PCDHA9: variants seen among roughly 807,000 people sequenced by gnomAD.
PCDHA9 encodes the protein protocadherin alpha 9.
In PCDHA9, 62 loss-of-function variants were observed where a neutral mutation model predicts 62.0. That is an observed-to-expected ratio of 1.00 (90% CI 0.81 to 1.23). The LOEUF is 1.23. Ranked by LOEUF, PCDHA9 falls within the 50% of genes most tolerant of loss-of-function variation. PCDHA9 has a pLI of 0.00. For synonymous variants in PCDHA9, 557 were observed against 567.6 expected (o/e 0.98, Z 0.27); for missense variants, 1,205 against 1,249.8 (o/e 0.96, Z 0.54).
At chr5:140,856,595 A>G in intron 1 of PCDHA9, 1 of 1,597,868 alleles carries the variant, frequency 6.3e-7, no homozygotes. Context: ...TGATATTATA[A>G]ACAAAAAAGA....
At chr5:140,861,347 G>C (rs2046872625) in intron 1 of PCDHA9, 2 of 297,216 alleles carry the variant, frequency 6.7e-6, no homozygotes, top group Non-Finnish European at 6.8e-6. Context: ...GGCCAAGGAC[G>C]GCACATAGCG....
chr5:140,857,036 G>T (rs1174179572), intron 1 of PCDHA9: 1 of 1,596,046 alleles, frequency 6.3e-7, no homozygotes, highest in Non-Finnish European at 8.6e-7. Context: ...CCCACCTATG[G>T]TTGGTCACTG....
chr5:140,988,445 A>G (rs1554250148), intron 3 of PCDHA9, among the ~76,000 whole-genome samples: 2 of 152,168 alleles, frequency 1.3e-5, no homozygotes, highest in African/African-American at 2.4e-5. Context: ...ATTGACCTGA[A>G]GGGAGGAAGC....
chr5:140,908,430 C>T (rs543426512), intron 1 of PCDHA9, among the ~76,000 whole-genome samples: 56 of 152,262 alleles, frequency 3.7e-4, no homozygotes, highest in Admixed American at 7.2e-4. Flanking sequence ...TGCTGCTGTG[C>T]GCACCCCACT....
At chr5:140,851,088 A>G in intron 1 of PCDHA9, 199 bp downstream of exon 1, 2 of 1,298,258 alleles carry the variant, frequency 1.5e-6, no homozygotes, top group Non-Finnish European at 2.0e-6. Flanking sequence ...TGTATATTAA[A>G]TAGATATTTT....
intron 1 of PCDHA9, among the ~76,000 whole-genome samples, chr5:140,956,672 G>A (rs571890845): frequency 1.3e-5 from 2 of 152,242 alleles, no homozygotes; most frequent in Admixed American, 1.3e-4. Context: ...AAAGGAGTTA[G>A]GGAGGAGTAC....
chr5:140,895,617 G>A (rs782388218), intron 1 of PCDHA9, among the ~76,000 whole-genome samples: 2 of 152,084 alleles, frequency 1.3e-5, no homozygotes, highest in Non-Finnish European at 2.9e-5. Context: ...CTCATTGAGG[G>A]TGTTGTCTTT....
intron 1 of PCDHA9, chr5:140,869,019 A>G: frequency 1.3e-6 from 2 of 1,525,464 alleles, no homozygotes; most frequent in Non-Finnish European, 8.8e-7. Flanking sequence ...CTTCTTAAGA[A>G]TTCAACGAGA....
chr5:140,981,459 A>C (rs1267670163), intron 2 of PCDHA9, among the ~76,000 whole-genome samples: 1 of 152,176 alleles, frequency 6.6e-6, no homozygotes, highest in Non-Finnish European at 1.5e-5. Context: ...CTGTAGTCCC[A>C]GCTACTTGGG....
chr5:140,908,308 G>A (rs1011025623), intron 1 of PCDHA9, among the ~76,000 whole-genome samples: 19 of 152,170 alleles, frequency 1.2e-4, no homozygotes, highest in African/African-American at 4.6e-4. Context: ...AAGGAAGGGC[G>A]GCAGGAGTGG....
chr5:140,915,138 G>A (rs139042327), intron 1 of PCDHA9, among the ~76,000 whole-genome samples: 2,353 of 151,838 alleles, frequency 0.015, 60 homozygotes, highest in African/African-American at 0.053. Context: ...TAGTAGAGAC[G>A]GGGTTTCACC....
chr5:140,917,334 G>GC (rs1563019411), intron 1 of PCDHA9, among the ~76,000 whole-genome samples: 1 of 147,630 alleles, frequency 6.8e-6, no homozygotes, highest in Non-Finnish European at 1.5e-5. Context: ...CGGGGGAGGG[G>GC]GGGGATGGTG....
chr5:140,952,857 G>T (rs2094808262), intron 1 of PCDHA9, among the ~76,000 whole-genome samples: 1 of 152,120 alleles, frequency 6.6e-6, no homozygotes, highest in Non-Finnish European at 1.5e-5. Context: ...TTCTGGGGAG[G>T]CCTCAGGAAA....
chr5:140,980,749 G>A (rs1388943582), intron 2 of PCDHA9, among the ~76,000 whole-genome samples: 1 of 151,942 alleles, frequency 6.6e-6, no homozygotes, highest in Non-Finnish European at 1.5e-5. Flanking sequence ...TTTGAGTAGG[G>A]TAAGAAATAA....
intron 1 of PCDHA9, chr5:140,867,037 T>C (rs1167495486): frequency 2.0e-5 from 3 of 152,162 alleles, no homozygotes; most frequent in African/African-American, 7.2e-5. Flanking sequence ...CTTTTATGAC[T>C]TGGCGTTTGT....
rs1388292827 is a variant in PCDHA9, at chr5:140,857,492, G to A, written c.2394+6603G>A. On this transcript the variant is annotated intron_variant, in intron 1 of 3. Coordinates refer to ENST00000532602, the MANE Select transcript of PCDHA9 (RefSeq NM_031857.2). ...CTTCACGGTGTCTGCGTGGGACGCG[G>A]ACGCGCAGGAGAACGCCCTGGTGTC... 2 of 1,598,272 alleles carry A rather than the reference G, an allele frequency of 1.3e-6. No homozygotes were observed. The highest frequency in any genetic ancestry group is 1.7e-6 in the Non-Finnish European group (2 of 1,167,822).
chr5:140,875,452 C>G (rs370742022), intron 1 of PCDHA9: 1 of 1,592,452 alleles, frequency 6.3e-7, no homozygotes, highest in Non-Finnish European at 8.6e-7. Flanking sequence ...TGTCCCAACT[C>G]AGAGGCCCTC....
chr5:140,953,045 C>A (rs1414124229), intron 1 of PCDHA9, among the ~76,000 whole-genome samples: 2 of 152,288 alleles, frequency 1.3e-5, no homozygotes, highest in Admixed American at 6.5e-5. Flanking sequence ...CCCCATGATC[C>A]AATCACCTCT....
chr5:140,881,669 T>C (rs1030695213), intron 1 of PCDHA9, among the ~76,000 whole-genome samples: 17 of 152,248 alleles, frequency 1.1e-4, no homozygotes, highest in African/African-American at 4.1e-4. Context: ...TTTATTCTTA[T>C]GTGATTGTTA....
Sources: allele counts gnomAD v4.1 joint callset (sites outside exome capture counted in the v4.1 genomes callset), GRCh38; gene constraint gnomAD v4.1.1; transcripts MANE v1.5; gene names NCBI Gene and HGNC (gene_info 2026-07-23, HGNC 2026-07-21).